TAFA2: variants seen among roughly 807,000 people sequenced by gnomAD.
TAFA2 encodes TAFA chemokine like family member 2, also known as chemokine-like protein TAFA-2.
TAFA2 carries 7 observed loss-of-function variants against 18.8 expected under a neutral mutation model. The ratio of observed to expected loss-of-function variants is 0.37; its 90% CI spans 0.21 to 0.70. The LOEUF is 0.70. Ranked by LOEUF, TAFA2 falls within the 30% of genes least tolerant of loss-of-function variation. TAFA2 has a pLI of 0.53. For missense variants in TAFA2, 122 were observed against 158.1 expected (o/e 0.77, Z 1.23); for synonymous variants, 60 against 54.2 (o/e 1.11, Z -0.47).
chr12:61,731,653 A>C (rs1347190103), intron 4 of TAFA2, among the ~76,000 whole-genome samples: 3 of 152,022 alleles, frequency 2.0e-5, no homozygotes, highest in African/African-American at 7.2e-5. Context: ...AAACCCCGAG[A>C]ATTATTCTGT....
chr12:62,203,592 T>C (rs2062680423), intron 1 of TAFA2, among the ~76,000 whole-genome samples: 1 of 152,234 alleles, frequency 6.6e-6, no homozygotes, highest in South Asian at 2.1e-4. Flanking sequence ...CATTATGTAA[T>C]GCCCTTGTCT....
chr12:61,713,251 G>C (rs551632768), intron 4 of TAFA2, among the ~76,000 whole-genome samples: 4 of 152,246 alleles, frequency 2.6e-5, no homozygotes, highest in African/African-American at 9.6e-5. Context: ...CAGATGCTGA[G>C]CTGTAACCAA....
chr12:61,927,069 GAAAA>G (rs56908081), intron 1 of TAFA2, among the ~76,000 whole-genome samples: 18 of 69,926 alleles, frequency 2.6e-4, no homozygotes, highest in East Asian at 1.5e-3. Context: ...GTGAGACTCT[GAAAA>G]AAAAAAAAAA....
intron 1 of TAFA2, among the ~76,000 whole-genome samples, chr12:62,065,001 T>A (rs567696662): frequency 1.3e-5 from 2 of 152,140 alleles, no homozygotes; most frequent in African/African-American, 4.8e-5. Context: ...CAATATGAAG[T>A]CTTGTGCATA....
intron 4 of TAFA2, among the ~76,000 whole-genome samples, chr12:61,732,700 G>A (rs1359791964): frequency 6.6e-6 from 1 of 151,742 alleles, no homozygotes; most frequent in African/African-American, 2.4e-5. Flanking sequence ...CAATGTTTTG[G>A]GGAGAGACAA....
chr12:61,753,995 A>C (rs1869144095), intron 3 of TAFA2, among the ~76,000 whole-genome samples: 1 of 152,116 alleles, frequency 6.6e-6, no homozygotes, highest in African/African-American at 2.4e-5. Context: ...CACTTAATAA[A>C]ATTGTAAGTG....
At chr12:62,085,957 A>T (rs1474335708) in intron 1 of TAFA2, among the ~76,000 whole-genome samples, 1 of 151,598 alleles carries the variant, frequency 6.6e-6, no homozygotes, top group Non-Finnish European at 1.5e-5. Context: ...TTCCCTACTC[A>T]CTCTTTCTCT....
chr12:61,826,215 A>G (rs1266635436), intron 2 of TAFA2, among the ~76,000 whole-genome samples: 1 of 152,070 alleles, frequency 6.6e-6, no homozygotes, highest in African/African-American at 2.4e-5. Flanking sequence ...TGTTTTCTGC[A>G]GTTTCCATTT....
intron 1 of TAFA2, among the ~76,000 whole-genome samples, chr12:62,006,810 C>A (rs564840774): frequency 6.6e-6 from 1 of 152,288 alleles, no homozygotes; most frequent in African/African-American, 2.4e-5. Flanking sequence ...AAGCCCCCAT[C>A]AACCATTTTA....
At chr12:62,172,569 G>T (rs933128695) in intron 1 of TAFA2, among the ~76,000 whole-genome samples, 1 of 152,162 alleles carries the variant, frequency 6.6e-6, no homozygotes, top group African/African-American at 2.4e-5. Flanking sequence ...TGATTCAGAG[G>T]AGTTTTTCTG....
intron 1 of TAFA2, among the ~76,000 whole-genome samples, chr12:62,180,077 C>T (rs376591431): frequency 1.3e-5 from 2 of 152,258 alleles, no homozygotes; most frequent in African/African-American, 2.4e-5. Flanking sequence ...CCCAGTTTTC[C>T]TAGTAGTGTA....
intron 1 of TAFA2, among the ~76,000 whole-genome samples, chr12:62,244,986 T>C (rs935081581): frequency 6.6e-6 from 1 of 152,168 alleles, no homozygotes; most frequent in African/African-American, 2.4e-5. Context: ...TTATCTTTAA[T>C]GATATCTTAC....
intron 1 of TAFA2, chr12:62,235,221 C>T: frequency 1.5e-6 from 1 of 660,502 alleles, no homozygotes. Context: ...GGGGCAGTAG[C>T]TCACGCCATG....
At chr12:62,126,675 G>A (rs1412392995) in intron 1 of TAFA2, among the ~76,000 whole-genome samples, 1 of 151,984 alleles carries the variant, frequency 6.6e-6, no homozygotes, top group Non-Finnish European at 1.5e-5. Flanking sequence ...TAGTATGAAT[G>A]CATAAGTATA....
chr12:62,093,487 A>T (rs1050425059), intron 1 of TAFA2, among the ~76,000 whole-genome samples: 1 of 152,082 alleles, frequency 6.6e-6, no homozygotes, highest in Admixed American at 6.6e-5. Flanking sequence ...CATTCAAATG[A>T]ATTTTCATTT....
At chr12:61,961,070 C>T (rs1264412354) in intron 1 of TAFA2, among the ~76,000 whole-genome samples, 3 of 151,768 alleles carry the variant, frequency 2.0e-5, no homozygotes, top group Non-Finnish European at 4.4e-5. Context: ...CCTGGTGAGG[C>T]CTCAGGAAAT....
In TAFA2 at chr12:61,777,608, T is replaced by C. The variant is rs144935750; in HGVS notation, c.107-22584A>G. ...AATAGGGGCATAGTAATTGAGAACA[T>C]AGATTCTAGAGTCAGACTACTTGCA... On this transcript the variant is annotated intron_variant, in intron 2 of 4. Coordinates refer to ENST00000416284, the MANE Select transcript of TAFA2 (RefSeq NM_178539.5). Among the ~76,000 whole-genome samples the C allele has an allele frequency of 3.7e-3, 563 of 151,738 alleles. 1 individual carries two copies. Among genetic ancestry groups the C allele is most frequent in the Middle Eastern group, 0.017 (5 of 294 alleles).
At chr12:62,056,997 G>A (rs1051699746) in intron 1 of TAFA2, among the ~76,000 whole-genome samples, 2 of 152,200 alleles carry the variant, frequency 1.3e-5, no homozygotes, top group Non-Finnish European at 2.9e-5. Context: ...TAAGTTTGGT[G>A]TCAAGAGTGT....
At chr12:61,942,136 TCCCTGAC>T (rs1472003446) in intron 1 of TAFA2, among the ~76,000 whole-genome samples, 17 of 149,602 alleles carry the variant, frequency 1.1e-4, no homozygotes, top group Middle Eastern at 3.5e-3. Flanking sequence ...CTCAAGTGGG[TCCCTGAC>T]CCCTGACCCC....
Sources: allele counts gnomAD v4.1 joint callset (sites outside exome capture counted in the v4.1 genomes callset), GRCh38; gene constraint gnomAD v4.1.1; transcripts MANE v1.5; gene names NCBI Gene and HGNC (gene_info 2026-07-23, HGNC 2026-07-21).